MAML2: variants seen among roughly 807,000 people sequenced by gnomAD.
MAML2 encodes mastermind like transcriptional coactivator 2, also known as mastermind-like protein 2.
A neutral mutation model predicts 96.1 loss-of-function variants in MAML2; 22 were observed. The observed-to-expected ratio is 0.23, with a 90% CI of 0.16 to 0.33. The LOEUF (loss-of-function observed/expected upper bound fraction) is 0.33, where lower values mean the gene tolerates loss of function less well. MAML2 is among the 10% of genes least tolerant of loss of function. MAML2 has a pLI of 1.00. For missense variants in MAML2, 1,367 were observed against 1,392.4 expected, an observed-to-expected ratio of 0.98 and a Z score of 0.29; for synonymous variants, 561 against 521.3, an observed-to-expected ratio of 1.08 and a Z score of -1.04.
At chr11:96,126,411 A>C (rs182973518) in intron 1 of MAML2, among the ~76,000 whole-genome samples, 17 of 144,168 alleles carry the variant, frequency 1.2e-4, no homozygotes, top group Admixed American at 1.0e-3. Context: ...TACAAAAATT[A>C]GCCAGGTGTA....
intron 1 of MAML2, among the ~76,000 whole-genome samples, chr11:96,262,526 G>C (rs1265194342): frequency 1.3e-5 from 2 of 151,398 alleles, no homozygotes; most frequent in Non-Finnish European, 2.9e-5. Context: ...GGAGTGCAGT[G>C]GCGCAATCTC....
intron 1 of MAML2, among the ~76,000 whole-genome samples, chr11:96,232,572 C>T (rs911080424): frequency 1.3e-5 from 2 of 152,124 alleles, no homozygotes; most frequent in Non-Finnish European, 2.9e-5. Flanking sequence ...CCGGTTCATG[C>T]CATTCTCCTG....
chr11:96,161,902 C>G (rs1005510060), intron 1 of MAML2, among the ~76,000 whole-genome samples: 1 of 152,196 alleles, frequency 6.6e-6, no homozygotes, highest in African/African-American at 2.4e-5. Flanking sequence ...CGGAGGAAAG[C>G]TGGATCTTAC....
intron 1 of MAML2, among the ~76,000 whole-genome samples, chr11:96,241,946 G>A (rs1286151385): frequency 6.6e-6 from 1 of 152,094 alleles, no homozygotes. Flanking sequence ...TTCAGTTCAG[G>A]GTTCAGCAAA....
intron 1 of MAML2, among the ~76,000 whole-genome samples, chr11:96,306,634 G>A (rs777486941): frequency 1.6e-4 from 24 of 152,204 alleles, no homozygotes; most frequent in Non-Finnish European, 2.8e-4. Flanking sequence ...CCAGGTAAGT[G>A]AGGCAGAGGA....
chr11:96,039,709 G>A (rs1858776613), intron 2 of MAML2, among the ~76,000 whole-genome samples: 1 of 152,172 alleles, frequency 6.6e-6, no homozygotes, highest in Non-Finnish European at 1.5e-5. Flanking sequence ...CACTTTGGGA[G>A]GCCAAGGCAG....
intron 1 of MAML2, among the ~76,000 whole-genome samples, chr11:96,107,319 T>C (rs1384937923): frequency 6.6e-6 from 1 of 152,188 alleles, no homozygotes; most frequent in Non-Finnish European, 1.5e-5. Flanking sequence ...GGGTAGTTTA[T>C]GTAATCTCTC....
intron 1 of MAML2, among the ~76,000 whole-genome samples, chr11:96,147,228 T>A (rs1860835406): frequency 6.6e-6 from 1 of 152,234 alleles, no homozygotes; most frequent in Admixed American, 6.5e-5. Context: ...AGATGAGTGA[T>A]GTGGACTATA....
intron 2 of MAML2, among the ~76,000 whole-genome samples, chr11:96,005,068 A>G (rs1257743827): frequency 1.3e-5 from 2 of 152,186 alleles, no homozygotes; most frequent in Admixed American, 6.5e-5. Context: ...AATCAGTGGA[A>G]CAGGCCCTCA....
intron 1 of MAML2, among the ~76,000 whole-genome samples, chr11:96,102,483 A>T (rs1239751926): frequency 2.0e-5 from 3 of 152,204 alleles, no homozygotes; most frequent in African/African-American, 4.8e-5. Flanking sequence ...CTAGAAAAGG[A>T]ATCCCACTCC....
At chr11:96,020,542 G>C (rs1858421246) in intron 2 of MAML2, among the ~76,000 whole-genome samples, 1 of 152,176 alleles carries the variant, frequency 6.6e-6, no homozygotes, top group Non-Finnish European at 1.5e-5. Context: ...GTTAAGGGAG[G>C]GGGTGACTGG....
At chr11:96,275,515 C>T (rs995874864) in intron 1 of MAML2, among the ~76,000 whole-genome samples, 7 of 152,010 alleles carry the variant, frequency 4.6e-5, no homozygotes, top group African/African-American at 7.3e-5. Context: ...GTGATCCACC[C>T]GCCTTGACCT....
chr11:96,191,283 G>A (rs1861649490), intron 1 of MAML2, among the ~76,000 whole-genome samples: 1 of 151,934 alleles, frequency 6.6e-6, no homozygotes, highest in African/African-American at 2.4e-5. Context: ...GACCAACACG[G>A]TGAAACCCCA....
intron 1 of MAML2, among the ~76,000 whole-genome samples, chr11:96,156,282 TCCTCCTCCGCC>T (rs779015574): frequency 2.0e-5 from 3 of 152,124 alleles, no homozygotes; most frequent in Non-Finnish European, 4.4e-5. Flanking sequence ...AGCCTCCTCC[TCCTCCTCCGCC>T]CCTCACACAC....
chr11:96,030,427 C>T (rs1418844193), intron 2 of MAML2, among the ~76,000 whole-genome samples: 1 of 151,480 alleles, frequency 6.6e-6, no homozygotes, highest in Non-Finnish European at 1.5e-5. Flanking sequence ...ACTAGGGAGT[C>T]CAGAAACAGA....
intron 2 of MAML2, among the ~76,000 whole-genome samples, chr11:96,058,535 G>A (rs914257614): frequency 6.6e-6 from 1 of 152,116 alleles, no homozygotes; most frequent in Non-Finnish European, 1.5e-5. Context: ...TGGCCAGGCT[G>A]GTCTCGAACT....
intron 1 of MAML2, among the ~76,000 whole-genome samples, chr11:96,203,089 A>G (rs898184545): frequency 2.0e-5 from 3 of 152,236 alleles, no homozygotes; most frequent in African/African-American, 7.2e-5. Flanking sequence ...AATGTAACAT[A>G]TCAGGCTACA....
At chr11:96,025,129 T>C (rs910328150) in intron 2 of MAML2, among the ~76,000 whole-genome samples, 7 of 152,030 alleles carry the variant, frequency 4.6e-5, no homozygotes, top group African/African-American at 1.7e-4. Context: ...TTCACAATAG[T>C]AAAGACATGA....
chr11:96,185,237 G>T (rs4090736), intron 1 of MAML2, among the ~76,000 whole-genome samples: 1 of 150,586 alleles, frequency 6.6e-6, no homozygotes, highest in Admixed American at 6.6e-5. Flanking sequence ...TTGGTTACAC[G>T]CAGTTGTCAG....
Sources: allele counts gnomAD v4.1 joint callset (sites outside exome capture counted in the v4.1 genomes callset), GRCh38; gene constraint gnomAD v4.1.1; transcripts MANE v1.5; gene names NCBI Gene and HGNC (gene_info 2026-07-23, HGNC 2026-07-21).